TSPEAR: variants seen among roughly 807,000 people sequenced by gnomAD.
The protein encoded by TSPEAR is thrombospondin type laminin G domain and EAR repeats, also known as thrombospondin-type laminin G domain and EAR repeat-containing protein.
In TSPEAR, 69 loss-of-function variants were observed where a neutral mutation model predicts 71.6. The observed-to-expected ratio is 0.96, with a 90% confidence interval of 0.79 to 1.18. The LOEUF is 1.18. Among genes scored for constraint, TSPEAR ranks in the 50% most tolerant of loss-of-function variants. The pLI is 0.00. For synonymous variants in TSPEAR, 402 were observed against 387.2 expected (o/e 1.04, Z -0.45); for missense variants, 971 against 894.9 (o/e 1.09, Z -1.09).
chr21:44,507,471 G>C (rs2052230481), intron 10 of TSPEAR, among the ~76,000 whole-genome samples: 1 of 152,182 alleles, frequency 6.6e-6, no homozygotes, highest in Non-Finnish European at 1.5e-5. Context: ...GAAGGGCTAG[G>C]AGTTTGACTT....
chr21:44,576,575 A>T (rs909523994), intron 1 of TSPEAR, among the ~76,000 whole-genome samples: 2 of 152,192 alleles, frequency 1.3e-5, no homozygotes, highest in Admixed American at 1.3e-4. Flanking sequence ...CAATGTGTTG[A>T]TTGCAACCCA....
At chr21:44,649,496 T>A (rs1272066792) in intron 1 of TSPEAR, among the ~76,000 whole-genome samples, 1 of 152,116 alleles carries the variant, frequency 6.6e-6, no homozygotes, top group Non-Finnish European at 1.5e-5. Flanking sequence ...CCCCTTCTAC[T>A]GAGGACAGCA....
chr21:44,627,608 G>A (rs781899472), intron 1 of TSPEAR: 1 of 1,612,484 alleles, frequency 6.2e-7, no homozygotes, highest in Non-Finnish European at 8.5e-7. Flanking sequence ...CCCGTCTGCT[G>A]CAAACCTGTG....
intron 11 of TSPEAR, 60 bp from the exon 12 acceptor site, chr21:44,499,996 C>A: frequency 1.3e-6 from 2 of 1,512,376 alleles, no homozygotes. Flanking sequence ...CTCCTCTCCC[C>A]CGGCTCCCAC....
chr21:44,650,684 G>T (rs587622875), intron 1 of TSPEAR, among the ~76,000 whole-genome samples: 1 of 152,368 alleles, frequency 6.6e-6, no homozygotes, highest in South Asian at 2.1e-4. Flanking sequence ...CATAGCTGGC[G>T]TGGGACTCTG....
At chr21:44,646,468 T>C (rs781968273) in intron 1 of TSPEAR, 1 of 1,610,614 alleles carries the variant, frequency 6.2e-7, no homozygotes, top group East Asian at 2.2e-5. Flanking sequence ...CATGGCCGCG[T>C]CCACCATGTC....
chr21:44,680,223 G>A (rs1413570527), intron 1 of TSPEAR, among the ~76,000 whole-genome samples: 1 of 151,838 alleles, frequency 6.6e-6, no homozygotes, highest in Non-Finnish European at 1.5e-5. Context: ...TTAATAAATG[G>A]GCAAAGCACC....
chr21:44,592,664 A>T (rs1340507030), intron 1 of TSPEAR, among the ~76,000 whole-genome samples: 2 of 152,072 alleles, frequency 1.3e-5, no homozygotes, highest in Non-Finnish European at 2.9e-5. Context: ...CCAGCTCATA[A>T]ATCTCCCATC....
At chr21:44,507,029 G>GA (rs2052218928) in intron 10 of TSPEAR, 1 of 152,270 alleles carries the variant, frequency 6.6e-6, no homozygotes, top group East Asian at 1.9e-4. Context: ...TCAGCCATGA[G>GA]AAGGGGGATG....
intron 1 of TSPEAR, among the ~76,000 whole-genome samples, chr21:44,616,531 C>T (rs1982107583): frequency 6.6e-6 from 1 of 152,178 alleles, no homozygotes; most frequent in Non-Finnish European, 1.5e-5. Flanking sequence ...GCCTCCTCCT[C>T]CTCCCTGCCA....
intron 1 of TSPEAR, chr21:44,666,761 G>T (rs1555944878): frequency 6.2e-7 from 1 of 1,613,400 alleles, no homozygotes; most frequent in African/African-American, 1.3e-5. Context: ...CACACACGGA[G>T]GACTGGCAGC....
intron 1 of TSPEAR, chr21:44,676,053 T>C (rs1348587106): frequency 2.3e-6 from 2 of 880,746 alleles, no homozygotes; most frequent in African/African-American, 1.6e-5. Flanking sequence ...CCATGCTCAA[T>C]GCAATAGGAG....
chr21:44,523,102 C>T lies in TSPEAR; in HGVS notation c.1337-990G>A, dbSNP rs77285516. Among the ~76,000 whole-genome samples the T allele has an allele frequency of 3.8e-3, 526 of 138,264 alleles. 3 individuals are homozygous for T. The highest frequency in any genetic ancestry group is 0.017 in the African/African-American group (500 of 29,454). 90.7% of individuals were successfully genotyped at this position (138,264 alleles called of 152,430 possible). On this transcript the variant is annotated intron_variant, in intron 8 of 11. Coordinates refer to ENST00000323084, the MANE Select transcript of TSPEAR (RefSeq NM_144991.3). Reference sequence around the variant, plus strand: ...GTCAGTCAGTCAGCCAGCCAGCCAGCCAATTAGTCAGTGAAGTAGTCAGTC... The same window carrying T: ...GTCAGTCAGTCAGCCAGCCAGCCAGTCAATTAGTCAGTGAAGTAGTCAGTC...
intron 11 of TSPEAR, among the ~76,000 whole-genome samples, chr21:44,500,490 G>T (rs1322856146): frequency 6.6e-6 from 1 of 152,248 alleles, no homozygotes; most frequent in Non-Finnish European, 1.5e-5. Context: ...AGTCCCCAAG[G>T]CAGGGCGCCG....
At chr21:44,599,134 T>TCTCTCAC (rs1980573681) in intron 1 of TSPEAR, among the ~76,000 whole-genome samples, 1 of 92,280 alleles carries the variant, frequency 1.1e-5, no homozygotes, top group African/African-American at 3.3e-5. Context: ...GGCCCCCATT[T>TCTCTCAC]TCTCTCTCTC....
At chr21:44,554,696 C>T (rs1215113487) in intron 2 of TSPEAR, among the ~76,000 whole-genome samples, 1 of 152,172 alleles carries the variant, frequency 6.6e-6, no homozygotes, top group African/African-American at 2.4e-5. Context: ...GTGGCTCATG[C>T]CAGTTGTGGA....
rs942939541 is a variant in TSPEAR at position 44,506,845 on chromosome 21, C to T, written c.1755-1964G>A. 4.6e-5 allele frequency: 7 copies of T among 152,198 alleles called. No individual in the cohort carries two copies. The highest frequency in any genetic ancestry group is 2.1e-4 in the South Asian group (1 of 4,812). 9.4% of individuals were successfully genotyped at this position (152,198 alleles called of 1,614,324 possible). A position where few individuals can be genotyped will look rare whatever the true frequency, so the allele number is the denominator to read the frequency against. ...GGTGGAAGATCCTGTCCGGCTGCAC[C>T]GAGGCTCACATCAGAAGCCGGCTTC... On this transcript the variant is annotated intron_variant, in intron 10 of 11. Transcript: ENST00000323084. This position sits in a 1 kb window ranked among gnomAD's most constrained non-coding sequence, Gnocchi z 4.2.
rs1182923087 is a variant in TSPEAR at position 44,695,819 on chromosome 21, A to C, written c.82+15614T>G. ...CAACGCAGAGACCAGCAGACACCAC[A>C]CACCAGGGCTTTTCACTTCAAGGGG... On this transcript the variant is annotated intron_variant, in intron 1 of 11. Transcript: ENST00000323084. The surrounding 1 kb of genome is among the most constrained non-coding windows in gnomAD (Gnocchi z 4.5). 6.6e-6 allele frequency among the ~76,000 whole-genome samples: 1 copy of C among 152,012 alleles called. No individual in the cohort carries two copies. The highest frequency in any genetic ancestry group is 1.5e-5 in the Non-Finnish European group (1 of 68,006).
intron 1 of TSPEAR, among the ~76,000 whole-genome samples, chr21:44,578,860 C>T (rs587685871): frequency 9.5e-4 from 144 of 152,306 alleles, no homozygotes; most frequent in Admixed American, 2.7e-3. Flanking sequence ...GCCTGACGCA[C>T]GGTCCTGCAG....
Sources: allele counts gnomAD v4.1 joint callset (sites outside exome capture counted in the v4.1 genomes callset), GRCh38; gene constraint gnomAD v4.1.1; non-coding constraint Gnocchi (gnomAD v3.1); transcripts MANE v1.5; gene names NCBI Gene and HGNC (gene_info 2026-07-23, HGNC 2026-07-21).